The following ARHGEF3 variants were observed in gnomAD, a reference collection of about 807,000 sequenced individuals.
ARHGEF3 encodes the protein 59.8 kDA protein.
ARHGEF3 carries 28 observed loss-of-function variants against 63.2 expected under a neutral mutation model. The observed-to-expected ratio is 0.44, with a 90% CI of 0.33 to 0.61. The LOEUF is 0.61. ARHGEF3 is among the 20% of genes least tolerant of loss of function. The pLI is 0.03. For synonymous variants in ARHGEF3, 266 were observed against 254.2 expected (o/e 1.05, Z -0.44); for missense variants, 533 against 659.3 (o/e 0.81, Z 2.10).
intron 2 of ARHGEF3, among the ~76,000 whole-genome samples, chr3:56,770,979 G>C (rs2035975619): frequency 1.3e-5 from 2 of 152,092 alleles, no homozygotes; most frequent in African/African-American, 4.8e-5. Context: ...CAGGCGTGGT[G>C]GTGGGTGACT....
At chr3:57,005,664 G>A (rs1702439539) in intron 2 of ARHGEF3, among the ~76,000 whole-genome samples, 1 of 152,202 alleles carries the variant, frequency 6.6e-6, no homozygotes, top group Non-Finnish European at 1.5e-5. Flanking sequence ...ATCCATGTCT[G>A]GCGCTGAGGG....
At chr3:57,065,987 A>C (rs1705504501) in intron 1 of ARHGEF3, among the ~76,000 whole-genome samples, 1 of 152,160 alleles carries the variant, frequency 6.6e-6, no homozygotes, top group Non-Finnish European at 1.5e-5. Flanking sequence ...AGGCTGAGGC[A>C]GGAGGATCAC....
intron 2 of ARHGEF3, among the ~76,000 whole-genome samples, chr3:57,019,908 T>C (rs1160892334): frequency 6.6e-6 from 1 of 152,148 alleles, no homozygotes; most frequent in African/African-American, 2.4e-5. Flanking sequence ...ATTGATTGAT[T>C]TATGAACGAG....
intron 3 of ARHGEF3, among the ~76,000 whole-genome samples, chr3:56,919,127 G>A (rs1488771694): frequency 6.6e-6 from 1 of 152,124 alleles, no homozygotes; most frequent in Non-Finnish European, 1.5e-5. Context: ...CAGCTTTTCG[G>A]GTTCCTAAGG....
chr3:56,902,051 G>A (rs548478517), intron 3 of ARHGEF3, among the ~76,000 whole-genome samples: 3 of 151,976 alleles, frequency 2.0e-5, no homozygotes, highest in Non-Finnish European at 4.4e-5. Flanking sequence ...CACTGAAATC[G>A]CCAACAAAAA....
chr3:56,877,525 C>T (rs990266191), intron 4 of ARHGEF3, among the ~76,000 whole-genome samples: 98 of 152,120 alleles, frequency 6.4e-4, no homozygotes, highest in African/African-American at 2.0e-3. Flanking sequence ...CCATGCATCA[C>T]CATACCTGGC....
chr3:56,738,886 T>G (rs2033820490), intron 7 of ARHGEF3, among the ~76,000 whole-genome samples: 1 of 151,678 alleles, frequency 6.6e-6, no homozygotes, highest in Admixed American at 6.6e-5. Flanking sequence ...AGGTCAGGAG[T>G]TCCAGACCAG....
At chr3:56,758,734 C>A (rs1227938322) in intron 2 of ARHGEF3, among the ~76,000 whole-genome samples, 1 of 152,114 alleles carries the variant, frequency 6.6e-6, no homozygotes, top group African/African-American at 2.4e-5. Context: ...AAACAGTAAC[C>A]AGGAACTAAA....
At chr3:56,823,896 C>G (rs2038610610) in intron 4 of ARHGEF3, among the ~76,000 whole-genome samples, 1 of 149,590 alleles carries the variant, frequency 6.7e-6, no homozygotes, top group South Asian at 2.1e-4. Context: ...ACAGCTTAAT[C>G]TTGAAAAGGG....
At chr3:56,746,218 C>T (rs1438417134) in intron 6 of ARHGEF3, among the ~76,000 whole-genome samples, 1 of 152,194 alleles carries the variant, frequency 6.6e-6, no homozygotes, top group Admixed American at 6.5e-5. Context: ...TTGTTTCTTT[C>T]TCTTGTACTA....
At chr3:56,967,436 A>ATTATACATATTATATATT (rs1491217481) in intron 2 of ARHGEF3, among the ~76,000 whole-genome samples, 3 of 69,746 alleles carry the variant, frequency 4.3e-5, no homozygotes, top group Non-Finnish European at 7.3e-5. Flanking sequence ...TATATTATAT[A>ATTATACATATTATATATT]ATATATTATA....
chr3:56,859,521 C>T (rs1262660848), intron 4 of ARHGEF3, among the ~76,000 whole-genome samples: 1 of 151,530 alleles, frequency 6.6e-6, no homozygotes, highest in Non-Finnish European at 1.5e-5. Flanking sequence ...CCTCTTGCCA[C>T]CCCCTTGGTA....
intron 2 of ARHGEF3, among the ~76,000 whole-genome samples, chr3:56,986,926 T>C (rs1319832997): frequency 6.6e-6 from 1 of 152,090 alleles, no homozygotes; most frequent in Non-Finnish European, 1.5e-5. Context: ...TAAAACACTT[T>C]GGAGGCCGGG....
intron 2 of ARHGEF3, among the ~76,000 whole-genome samples, chr3:56,962,695 G>A (rs1700333583): frequency 6.6e-6 from 1 of 152,072 alleles, no homozygotes; most frequent in East Asian, 1.9e-4. Flanking sequence ...ACAAAAGGTG[G>A]GAAAGAAAAG....
intron 2 of ARHGEF3, among the ~76,000 whole-genome samples, chr3:57,012,576 A>G (rs1240211665): frequency 6.6e-6 from 1 of 152,200 alleles, no homozygotes; most frequent in Non-Finnish European, 1.5e-5. Flanking sequence ...GTAGTTTATC[A>G]ATTTAATCCT....
chr3:56,886,362 C>T (rs2040925178), intron 3 of ARHGEF3, among the ~76,000 whole-genome samples: 1 of 152,092 alleles, frequency 6.6e-6, no homozygotes, highest in Non-Finnish European at 1.5e-5. Context: ...TCACTAATTG[C>T]CCAACTCGAG....
At position 56,862,615 on chromosome 3, in the gene ARHGEF3, C is replaced by T. The variant is rs776851074; in HGVS notation, c.192+19677G>A. 1.6e-3 allele frequency among the ~76,000 whole-genome samples: 239 copies of T among 152,154 alleles called. 5 individuals carry two copies. The highest frequency in any genetic ancestry group is 4.6e-4 in the Non-Finnish European group (31 of 68,024). Reference sequence around the variant, plus strand: ...TCACACAGGACGAGGCTGCTGCAGGCGGCTGACTGAGACTGACCAGCAAAT... The same window carrying T: ...TCACACAGGACGAGGCTGCTGCAGGTGGCTGACTGAGACTGACCAGCAAAT... On this transcript the variant is annotated intron_variant, in intron 4 of 12. Coordinates refer to the ARHGEF3 transcript ENST00000338458.
At chr3:56,986,709 G>A (rs1579026210) in intron 2 of ARHGEF3, among the ~76,000 whole-genome samples, 1 of 151,922 alleles carries the variant, frequency 6.6e-6, no homozygotes, top group African/African-American at 2.4e-5. Flanking sequence ...TGGTCACCTC[G>A]AAGGCAGTTT....
intron 2 of ARHGEF3, among the ~76,000 whole-genome samples, chr3:56,995,624 AGAGAG>A: frequency 4.5e-5 from 1 of 22,400 alleles, no homozygotes; most frequent in Non-Finnish European, 1.5e-4. Flanking sequence ...ATTTTCCGAG[AGAGAG>A]AGAGAGAGAG....
Sources: gnomAD v4.1 joint callset for allele counts (sites outside exome capture counted in the v4.1 genomes callset) on GRCh38, gnomAD v4.1.1 for gene constraint, MANE v1.5 for transcripts, NCBI Gene and HGNC (gene_info 2026-07-23, HGNC 2026-07-21) for gene names.